Variants in PARD6G observed in about 807,000 individuals in gnomAD.
PARD6G encodes par-6 family cell polarity regulator gamma.
A neutral mutation model predicts 10.7 loss-of-function variants in PARD6G; 7 were observed. The ratio of observed to expected loss-of-function variants is 0.66; its 90% CI spans 0.37 to 1.23. PARD6G has a LOEUF of 1.23. Ranked by LOEUF, PARD6G falls within the 50% of genes most tolerant of loss-of-function variation. The pLI, the probability that PARD6G is intolerant of heterozygous loss-of-function variation, is 0.02. For missense variants in PARD6G, 548 were observed against 571.8 expected (o/e 0.96, Z 0.42); for synonymous variants, 287 against 269.4 (o/e 1.07, Z -0.64).
In PARD6G at chr18:80,182,852, T is replaced by C. The variant is rs1340323120; in HGVS notation, c.295+19858A>G. On this transcript the variant is annotated intron_variant, in intron 2 of 2. Coordinates refer to ENST00000353265, the MANE Select transcript of PARD6G (RefSeq NM_032510.4). The surrounding 1 kb of genome is among the most constrained non-coding windows in gnomAD (Gnocchi z 4.5). Reference sequence around the variant, plus strand: ...AGGACAAATGTTCCCAGAGAACTTTTAAATCTGATGTTATAGTTTTATTTC... The same window carrying C: ...AGGACAAATGTTCCCAGAGAACTTTCAAATCTGATGTTATAGTTTTATTTC... 2.0e-5 allele frequency: 9 copies of C among 441,726 alleles called. No individual in the cohort carries two copies. The highest frequency in any genetic ancestry group is 8.0e-5 in the African/African-American group (4 of 50,188). The allele number at this position is 441,726 out of a possible 1,614,324, so 27.4% of individuals were successfully genotyped here.
At chr18:80,190,787 C>T (rs1966890889) in intron 2 of PARD6G, among the ~76,000 whole-genome samples, 2 of 152,172 alleles carry the variant, frequency 1.3e-5, no homozygotes, top group South Asian at 4.1e-4. Context: ...CTCTGTGAGG[C>T]CCTGCAGCCC....
At chr18:80,185,774 C>CGACATG (rs2052871516) in intron 2 of PARD6G, among the ~76,000 whole-genome samples, 1 of 138,248 alleles carries the variant, frequency 7.2e-6, no homozygotes, top group Non-Finnish European at 1.6e-5. Flanking sequence ...ATGCATATAC[C>CGACATG]CTGACATGCT....
rs913717897 is a variant in PARD6G, at chr18:80,230,606, T to C, written c.72+16671A>G. On this transcript the variant is annotated intron_variant, in intron 1 of 2. Transcript: ENST00000353265. The stretch of plus-strand genomic sequence containing the variant: ...ATGCCAGACTGTGCAGGGTGACGGC[T>C]AAACCCACTGTACCCTGTGGCCCCT... Among the ~76,000 whole-genome samples, 13 of 152,282 alleles carry C rather than the reference T, an allele frequency of 8.5e-5. No homozygotes were observed. In the East Asian group the frequency reaches 2.5e-3, roughly 29 times the overall value.
intron 1 of PARD6G, among the ~76,000 whole-genome samples, chr18:80,237,753 T>C (rs1361912536): frequency 2.0e-5 from 3 of 152,182 alleles, no homozygotes; most frequent in African/African-American, 4.8e-5. Flanking sequence ...AAAATGTTCA[T>C]CATCACTGGC....
intron 2 of PARD6G, among the ~76,000 whole-genome samples, chr18:80,193,763 GCTGGCAGGAAGTA>G (rs1299892499): frequency 2.0e-5 from 3 of 152,192 alleles, no homozygotes; most frequent in African/African-American, 7.2e-5. Context: ...GCTGAGGAGT[GCTGGCAGGAAGTA>G]CTGGCAGGAA....
At chr18:80,168,648 C>T (rs1311092532) in intron 2 of PARD6G, among the ~76,000 whole-genome samples, 5 of 150,954 alleles carry the variant, frequency 3.3e-5, no homozygotes, top group Non-Finnish European at 4.4e-5. Context: ...GAGACAGTCT[C>T]GCTCTGTCAC....
Position 80,247,360 on chromosome 18 carries a change from C to A in PARD6G, c.-12G>T. The stretch of plus-strand genomic sequence containing the variant: ...AAACTTCGGTTCATGGTTTCGGCCC[C>A]GGTCAGCCTCGCCGTCGCCCTCGCT... On this transcript the variant is annotated 5_prime_UTR_variant, in exon 1 of 3. Coordinates refer to ENST00000353265, the MANE Select transcript of PARD6G (RefSeq NM_032510.4). The surrounding 1 kb of genome is among the most constrained non-coding windows in gnomAD (Gnocchi z 4.2). 6.4e-7 allele frequency: 1 copy of A among 1,559,186 alleles called. No homozygotes were observed.
intron 2 of PARD6G, among the ~76,000 whole-genome samples, chr18:80,187,138 A>C (rs910615888): frequency 5.3e-5 from 8 of 151,578 alleles, no homozygotes; most frequent in Admixed American, 3.9e-4. Context: ...GAATCCACTA[A>C]GGGTTACTCT....
At chr18:80,211,779 T>G (rs1967110803) in intron 1 of PARD6G, among the ~76,000 whole-genome samples, 1 of 152,212 alleles carries the variant, frequency 6.6e-6, no homozygotes. Context: ...GAGGACATTA[T>G]GCTGAGTGAA....
intron 2 of PARD6G, among the ~76,000 whole-genome samples, chr18:80,197,834 G>C (rs942777344): frequency 2.0e-5 from 3 of 152,240 alleles, no homozygotes; most frequent in African/African-American, 7.2e-5. Context: ...CAGGGGAACA[G>C]AGAAGCGGGT....
Position 80,247,288 on chromosome 18 carries a change from C to T in PARD6G, c.61G>A (p.Val21Ile). 1.9e-6 allele frequency: 3 copies of T among 1,580,918 alleles called. No homozygotes were observed. The highest frequency in any genetic ancestry group is 2.6e-6 in the Non-Finnish European group (3 of 1,164,472). The change falls in exon 1 of 3, where the codon GTC becomes ATC. Residue 21 changes from valine to isoleucine, a missense_variant. By Grantham distance (29) the Val-to-Ile change is conservative. Transcript: ENST00000353265. The surrounding 1 kb of genome is among the most constrained non-coding windows in gnomAD (Gnocchi z 4.2). ...GGCGGGGGGCTTACCTTGCTCTTGACTTCCACTGCGCTGCAATCGTAGAAT... is the reference window on the plus strand; with the variant it reads ...GGCGGGGGGCTTACCTTGCTCTTGATTTCCACTGCGCTGCAATCGTAGAAT... Reference protein sequence around the residue: ...LRFYDCSAVEVKSKFGAEFRR... With the variant: ...LRFYDCSAVEIKSKFGAEFRR...
chr18:80,246,464 G>C lies in PARD6G; in HGVS notation c.72+813C>G, dbSNP rs1438936463. Among the ~76,000 whole-genome samples the C allele has an allele frequency of 2.0e-5, 3 of 152,156 alleles. No homozygotes were observed. The East Asian group carries it at 5.8e-4, about 29-fold the overall frequency. ...CACGCTCCGCCCGGGCGCAGGCAGC[G>C]GGAGGGGCCGGGCACGCCCGTGGGG... On this transcript the variant is annotated intron_variant, in intron 1 of 2. Transcript: ENST00000353265. The surrounding 1 kb of genome is among the most constrained non-coding windows in gnomAD (Gnocchi z 6.7).
rs924644246 is a variant in PARD6G, at chr18:80,181,776, C to T, written c.295+20934G>A. On this transcript the variant is annotated intron_variant, in intron 2 of 2. Transcript: ENST00000353265. This position sits in a 1 kb window ranked among gnomAD's most constrained non-coding sequence, Gnocchi z 7.9. ...TGATGGGCATCGGCTCCCCATTCCT[C>T]GCGTCCTCTCCCCCTGTGCAGAGCA... is the stretch of plus-strand genomic sequence containing the variant. Among the ~76,000 whole-genome samples the T allele has an allele frequency of 6.6e-6, 1 of 152,088 alleles. No individual in the cohort carries two copies. The highest frequency in any genetic ancestry group is 2.4e-5 in the African/African-American group (1 of 41,400).
Position 80,200,808 on chromosome 18 carries a change from C to G in PARD6G, c.295+1902G>C, listed in dbSNP as rs1270300215. Among the ~76,000 whole-genome samples the G allele has an allele frequency of 6.6e-6, 1 of 152,236 alleles. No individual in the cohort carries two copies. The highest frequency in any genetic ancestry group is 1.5e-5 in the Non-Finnish European group (1 of 68,054). ...TTAGCACGTTCCCATGGGCAACACA[C>G]AAGCCCACTTTCTGGTCCCAGCCCA... On this transcript the variant is annotated intron_variant, in intron 2 of 2. Coordinates refer to ENST00000353265, the MANE Select transcript of PARD6G (RefSeq NM_032510.4). The surrounding 1 kb of genome is among the most constrained non-coding windows in gnomAD (Gnocchi z 4.4).
intron 1 of PARD6G, among the ~76,000 whole-genome samples, chr18:80,238,052 G>A (rs961137013): frequency 6.6e-6 from 1 of 152,180 alleles, no homozygotes; most frequent in African/African-American, 2.4e-5. Flanking sequence ...GCACACGTAT[G>A]TTTACTGCGG....
intron 1 of PARD6G, among the ~76,000 whole-genome samples, chr18:80,222,677 A>G (rs1222814211): frequency 1.3e-5 from 2 of 151,908 alleles, no homozygotes; most frequent in Non-Finnish European, 2.9e-5. Context: ...CAATTTATTT[A>G]TTTATTCATT....
At chr18:80,220,724 C>T (rs572639785) in intron 1 of PARD6G, among the ~76,000 whole-genome samples, 1 of 152,014 alleles carries the variant, frequency 6.6e-6, no homozygotes, top group South Asian at 2.1e-4. Context: ...GATTCTCATG[C>T]CTCAGCCTCC....
chr18:80,245,457 A>G (rs2145311248), intron 1 of PARD6G, among the ~76,000 whole-genome samples: 1 of 152,270 alleles, frequency 6.6e-6, no homozygotes, highest in Non-Finnish European at 1.5e-5. Flanking sequence ...TGGTCACACC[A>G]CCGCACAGAC....
Position 80,188,995 on chromosome 18 carries a change from G to A in PARD6G, c.295+13715C>T, listed in dbSNP as rs888695934. On this transcript the variant is annotated intron_variant, in intron 2 of 2. Transcript: ENST00000353265. This position sits in a 1 kb window ranked among gnomAD's most constrained non-coding sequence, Gnocchi z 5.4. ...CAGCAAGGTAGGCGTTGCCCAGCCC[G>A]GGGTTGCCTGACACTCTCTGGGGCA... Among the ~76,000 whole-genome samples the A allele has an allele frequency of 2.0e-5, 3 of 152,198 alleles. No individual in the cohort carries two copies. The highest frequency in any genetic ancestry group is 2.1e-4 in the South Asian group (1 of 4,834).
Sources: gnomAD v4.1 joint callset for allele counts (sites outside exome capture counted in the v4.1 genomes callset) on GRCh38, gnomAD v4.1.1 for gene constraint, Gnocchi (gnomAD v3.1) non-coding constraint, MANE v1.5 for transcripts, NCBI Gene and HGNC (gene_info 2026-07-23, HGNC 2026-07-21) for gene names.